SYNE2: variants seen among roughly 807,000 people sequenced by gnomAD.
SYNE2 encodes the protein nesprin-2.
SYNE2 carries 431 observed loss-of-function variants against 856.3 expected under a neutral mutation model. The observed-to-expected ratio is 0.50, with a 90% CI of 0.47 to 0.55. The LOEUF (loss-of-function observed/expected upper bound fraction) is 0.55. Among genes scored for constraint, SYNE2 ranks in the 20% least tolerant of loss-of-function variants. SYNE2 has a pLI of 0.00. For synonymous variants in SYNE2, 2,923 were observed against 2,872.3 expected, an observed-to-expected ratio of 1.02 and a Z score of -0.56; for missense variants, 8,129 against 8,023.2, an observed-to-expected ratio of 1.01 and a Z score of -0.50.
intron 19 of SYNE2, among the ~76,000 whole-genome samples, chr14:63,988,493 A>G (rs1173195679): frequency 6.6e-6 from 1 of 152,244 alleles, no homozygotes; most frequent in Non-Finnish European, 1.5e-5. Flanking sequence ...ATGATAAATG[A>G]ACATGCTAAT....
intron 2 of SYNE2, among the ~76,000 whole-genome samples, chr14:63,911,914 A>C (rs2095477746): frequency 6.6e-6 from 1 of 152,208 alleles, no homozygotes; most frequent in Admixed American, 6.6e-5. Context: ...TCTGTTTTAC[A>C]ATTGGAGAGT....
intron 1 of SYNE2, among the ~76,000 whole-genome samples, chr14:63,816,290 G>A (rs1415678095): frequency 1.3e-5 from 2 of 152,082 alleles, no homozygotes; most frequent in Non-Finnish European, 2.9e-5. Context: ...TTTGGTGGGA[G>A]CCCACCTGCC....
chr14:64,175,036 T>C lies in SYNE2; in HGVS notation c.17328T>C (p.Thr5776=), dbSNP rs2098427126. ...TACTGCTCACAACTGACCTGAAAAC[T>C]AAAGAGTCTGTGGGTAGGAGAATCA... is the stretch of plus-strand genomic sequence containing the variant. ...EKLLLTTDLK[T]KESVGRRISQ... The change falls in exon 95 of 116, where the codon ACT becomes ACC. Residue 5776 remains threonine (T), a synonymous_variant. Transcript: ENST00000555002. 1 of 1,614,154 alleles carries C rather than the reference T, an allele frequency of 6.2e-7. No individual in the cohort carries two copies. The highest frequency in any genetic ancestry group is 2.2e-5 in the East Asian group (1 of 44,882).
At chr14:64,076,686 GAC>G (rs2097462589) in intron 54 of SYNE2, among the ~76,000 whole-genome samples, 1 of 149,736 alleles carries the variant, frequency 6.7e-6, no homozygotes, top group East Asian at 2.0e-4. Context: ...ATTGTAGAAA[GAC>G]AGCCCATATC....
rs1316011732 is a variant in SYNE2 at position 64,146,119 on chromosome 14, A to G, written c.15535A>G (p.Ile5179Val). 1 of 1,605,624 alleles carries G rather than the reference A, an allele frequency of 6.2e-7. No homozygotes were observed. The highest frequency in any genetic ancestry group is 1.1e-5 in the South Asian group (1 of 90,004). Residue 5179 changes from isoleucine to valine, a missense_variant, in exon 84 of 116, where the codon ATA becomes GTA. By Grantham distance (29) the Ile-to-Val change is conservative. Coordinates refer to ENST00000555002, the MANE Select transcript of SYNE2 (RefSeq NM_182914.3). ...LESITESENK[I>V]QILNNWLEAQ... is the part of the protein sequence containing the mutation. ...AAGTATCACTGAGAGTGAAAATAAA[A>G]TACAGATCTTGAACAACTGGCTGGA...
intron 1 of SYNE2, among the ~76,000 whole-genome samples, chr14:63,777,266 G>A (rs1186716632): frequency 2.6e-5 from 4 of 152,232 alleles, no homozygotes; most frequent in Non-Finnish European, 5.9e-5. Context: ...GCAATTCAGA[G>A]CAAGAACAGT....
chr14:64,095,477 C>A (rs10136633), intron 61 of SYNE2, among the ~76,000 whole-genome samples: 20,078 of 152,164 alleles, frequency 0.13, 1,707 homozygotes, highest in African/African-American at 0.24. Flanking sequence ...TGAGTTAGGC[C>A]GATCTTCCAA....
intron 85 of SYNE2, among the ~76,000 whole-genome samples, chr14:64,154,198 A>G (rs2098267940): frequency 6.6e-6 from 1 of 151,066 alleles, no homozygotes; most frequent in African/African-American, 2.4e-5. Context: ...CAAGTATTAG[A>G]GCTAAAAGTA....
chr14:64,121,347 C>T (rs1019107292), intron 68 of SYNE2, among the ~76,000 whole-genome samples: 1 of 152,052 alleles, frequency 6.6e-6, no homozygotes, highest in Non-Finnish European at 1.5e-5. Context: ...ATGGTGAAAC[C>T]CTAGCTCTAC....
chr14:63,980,772 C>G (rs1182555123), intron 15 of SYNE2, 40 bp downstream of exon 15: 1 of 1,353,118 alleles, frequency 7.4e-7, no homozygotes, highest in Non-Finnish European at 1.1e-6. Flanking sequence ...ATGACTGTCA[C>G]TTAACAGTGA....
chr14:64,010,195 AG>A (rs1022236819), intron 32 of SYNE2, 79 bp downstream of exon 32: 1 of 1,454,448 alleles, frequency 6.9e-7, no homozygotes, highest in African/African-American at 1.4e-5. Flanking sequence ...TTATAGATTA[AG>A]TCTTTTTTGA....
chr14:64,214,893 C>T (rs1322506186), intron 106 of SYNE2, among the ~76,000 whole-genome samples: 1 of 152,148 alleles, frequency 6.6e-6, no homozygotes, highest in African/African-American at 2.4e-5. Flanking sequence ...GTACACGCCA[C>T]CACACCCAGC....
intron 60 of SYNE2, 33 bp downstream of exon 60, chr14:64,091,081 G>C (rs1395909545): frequency 6.2e-7 from 1 of 1,602,862 alleles, no homozygotes; most frequent in African/African-American, 1.3e-5. Flanking sequence ...CAACTTACTG[G>C]ATGAAAATGT....
intron 57 of SYNE2, among the ~76,000 whole-genome samples, chr14:64,082,461 C>T (rs947007907): frequency 1.3e-5 from 2 of 152,102 alleles, no homozygotes; most frequent in African/African-American, 4.8e-5. Context: ...CAGCAGAGTG[C>T]AGAGAGATTC....
chr14:63,877,797 CT>C (rs1176320583), intron 1 of SYNE2, among the ~76,000 whole-genome samples: 2 of 151,860 alleles, frequency 1.3e-5, no homozygotes, highest in African/African-American at 4.8e-5. Flanking sequence ...CTGTGTTTCC[CT>C]GACAGTTCTA....
chr14:64,108,116 A>T (rs751731035), intron 65 of SYNE2, among the ~76,000 whole-genome samples: 2 of 152,184 alleles, frequency 1.3e-5, no homozygotes, highest in African/African-American at 4.8e-5. Flanking sequence ...TGGGAGGCCA[A>T]TGCAGGTGGA....
At chr14:63,765,579 G>C (rs907782558) in intron 1 of SYNE2, among the ~76,000 whole-genome samples, 1 of 151,990 alleles carries the variant, frequency 6.6e-6, no homozygotes, top group Non-Finnish European at 1.5e-5. Flanking sequence ...GGATGGTCTC[G>C]ATCTCCTGAC....
intron 84 of SYNE2, among the ~76,000 whole-genome samples, chr14:64,150,757 C>T (rs1335945560): frequency 6.6e-6 from 1 of 152,066 alleles, no homozygotes; most frequent in African/African-American, 2.4e-5. Context: ...TCATTTATAA[C>T]TTTGCAGATG....
At chr14:64,001,912 G>A in intron 28 of SYNE2, 22 bp from the exon 29 acceptor site, 21 of 1,613,940 alleles carry the variant, frequency 1.3e-5, no homozygotes, top group Non-Finnish European at 1.5e-5. Context: ...TTCCCCTCAT[G>A]TCTGATTTAC....
Sources: gnomAD v4.1 joint callset for allele counts (sites outside exome capture counted in the v4.1 genomes callset) on GRCh38, gnomAD v4.1.1 for gene constraint, MANE v1.5 for transcripts, NCBI Gene and HGNC (gene_info 2026-07-23, HGNC 2026-07-21) for gene names.